PDE4D: variants seen among roughly 807,000 people sequenced by gnomAD.
PDE4D encodes the protein 3',5'-cyclic-AMP phosphodiesterase 4D.
A neutral mutation model predicts 87.4 loss-of-function variants in PDE4D; 24 were observed. That is an observed-to-expected ratio of 0.27 (90% confidence interval 0.20 to 0.39). The LOEUF (loss-of-function observed/expected upper bound fraction) is 0.39, where lower values mean the gene tolerates loss of function less well. Ranked by LOEUF, PDE4D falls within the 10% of genes least tolerant of loss-of-function variation. The probability of loss-of-function intolerance (pLI) is 1.00; values close to 1 mark genes in which losing one functional copy is unlikely to be tolerated. For missense variants in PDE4D, 714 were observed against 1,041.0 expected, an observed-to-expected ratio of 0.69 and a Z score of 4.32; for synonymous variants, 384 against 383.2, an observed-to-expected ratio of 1.00 and a Z score of -0.02.
intron 1 of PDE4D, among the ~76,000 whole-genome samples, chr5:60,350,058 G>T (rs1759051736): frequency 6.6e-6 from 1 of 152,118 alleles, no homozygotes; most frequent in South Asian, 2.1e-4. Context: ...TATAGGGAAG[G>T]ATTTCAAATA....
chr5:60,340,977 G>C (rs6861084), intron 1 of PDE4D, among the ~76,000 whole-genome samples: 33,173 of 152,018 alleles, frequency 0.22, 3,918 homozygotes, highest in South Asian at 0.39. Context: ...ATTCTCTAGA[G>C]AGCTGTTTTA....
At chr5:59,587,900 G>GTTGGAGGGAGGATT (rs1422540799) in intron 1 of PDE4D, among the ~76,000 whole-genome samples, 1 of 151,616 alleles carries the variant, frequency 6.6e-6, no homozygotes, top group Non-Finnish European at 1.5e-5. Context: ...AGGATTTTTT[G>GTTGGAGGGAGGATT]TTTGCTCGTT....
chr5:59,726,141 T>C (rs1279088190), intron 1 of PDE4D, among the ~76,000 whole-genome samples: 5 of 152,132 alleles, frequency 3.3e-5, no homozygotes, highest in Non-Finnish European at 2.9e-5. Flanking sequence ...TGCTAACAAA[T>C]ATTAAATGCT....
chr5:59,881,028 A>G (rs1749356185), intron 1 of PDE4D, among the ~76,000 whole-genome samples: 1 of 152,210 alleles, frequency 6.6e-6, no homozygotes. Flanking sequence ...CATTTATGAA[A>G]TTATAAGTGC....
intron 3 of PDE4D, among the ~76,000 whole-genome samples, chr5:59,915,423 A>T (rs76559843): frequency 0.079 from 12,047 of 152,248 alleles, 1,002 homozygotes; most frequent in African/African-American, 0.21. Flanking sequence ...AATAACTGAC[A>T]TTAGTTATTT....
At chr5:59,389,955 A>G (rs1045707832) in intron 1 of PDE4D, among the ~76,000 whole-genome samples, 1 of 152,158 alleles carries the variant, frequency 6.6e-6, no homozygotes. Context: ...ACTATAGCTA[A>G]CAATAATTTA....
At chr5:59,598,708 C>T (rs1023631098) in intron 1 of PDE4D, among the ~76,000 whole-genome samples, 1 of 152,002 alleles carries the variant, frequency 6.6e-6, no homozygotes, top group African/African-American at 2.4e-5. Flanking sequence ...ACTCCCAGTC[C>T]AAGGGAGTCT....
At chr5:59,141,281 C>G (rs1222539001) in intron 5 of PDE4D, among the ~76,000 whole-genome samples, 1 of 152,198 alleles carries the variant, frequency 6.6e-6, no homozygotes, top group Non-Finnish European at 1.5e-5. Flanking sequence ...AACCTACTTG[C>G]CCAAATTAGT....
At chr5:59,762,632 A>G (rs1185313824) in intron 1 of PDE4D, among the ~76,000 whole-genome samples, 1 of 135,644 alleles carries the variant, frequency 7.4e-6, no homozygotes, top group Non-Finnish European at 1.7e-5. Context: ...ATATGTGTAT[A>G]TGGGTACACA....
intron 1 of PDE4D, among the ~76,000 whole-genome samples, chr5:59,847,298 A>C (rs1442666035): frequency 6.6e-6 from 1 of 152,018 alleles, no homozygotes; most frequent in Non-Finnish European, 1.5e-5. Context: ...TCACCCATGA[A>C]CCTGCGGAGT....
intron 2 of PDE4D, among the ~76,000 whole-genome samples, chr5:60,035,485 C>G (rs1167206815): frequency 6.6e-6 from 1 of 152,114 alleles, no homozygotes; most frequent in Non-Finnish European, 1.5e-5. Flanking sequence ...CTCTGAGAAC[C>G]AAGAGCCAAA....
intron 2 of PDE4D, among the ~76,000 whole-genome samples, chr5:60,102,714 T>C (rs1776358769): frequency 6.6e-6 from 1 of 152,132 alleles, no homozygotes; most frequent in Non-Finnish European, 1.5e-5. Flanking sequence ...AAAGACTTTC[T>C]TCATCTCTAA....
intron 1 of PDE4D, among the ~76,000 whole-genome samples, chr5:59,333,692 A>G (rs2153578078): frequency 6.6e-6 from 1 of 152,262 alleles, no homozygotes; most frequent in Middle Eastern, 3.4e-3. Flanking sequence ...TTCATTTTTT[A>G]TGGAGAGATT....
intron 3 of PDE4D, among the ~76,000 whole-genome samples, chr5:59,944,370 C>T (rs1190689377): frequency 6.7e-5 from 10 of 149,046 alleles, no homozygotes; most frequent in African/African-American, 2.5e-4. Context: ...TGTTTTTGTT[C>T]GTTTGTTTGT....
intron 1 of PDE4D, among the ~76,000 whole-genome samples, chr5:60,378,919 A>T (rs1050737265): frequency 2.6e-5 from 4 of 152,184 alleles, no homozygotes; most frequent in Admixed American, 2.6e-4. Context: ...GAAAGAAAGC[A>T]GTATGTTGCT....
chr5:60,163,300 T>C (rs182279816), intron 2 of PDE4D, among the ~76,000 whole-genome samples: 22 of 152,266 alleles, frequency 1.4e-4, no homozygotes, highest in Admixed American at 1.3e-3. Context: ...TACTCTATAT[T>C]TTCATCTCTT....
intron 3 of PDE4D, among the ~76,000 whole-genome samples, chr5:59,188,273 C>T (rs1743374611): frequency 6.6e-6 from 1 of 151,970 alleles, no homozygotes; most frequent in Non-Finnish European, 1.5e-5. Context: ...TCTCTTCTGC[C>T]CCACCAAGCA....
intron 1 of PDE4D, among the ~76,000 whole-genome samples, chr5:60,424,902 G>C (rs878997851): frequency 6.6e-6 from 1 of 152,096 alleles, no homozygotes; most frequent in South Asian, 2.1e-4. Context: ...GACAAATAGA[G>C]AGCCAAATCA....
intron 1 of PDE4D, among the ~76,000 whole-genome samples, chr5:59,229,284 G>A (rs1000873610): frequency 2.6e-5 from 4 of 151,960 alleles, no homozygotes; most frequent in Admixed American, 6.6e-5. Context: ...TTTCTATACC[G>A]GTTATCATTT....
Sources: gnomAD v4.1 joint callset for allele counts (sites outside exome capture counted in the v4.1 genomes callset) on GRCh38, gnomAD v4.1.1 for gene constraint, MANE v1.5 for transcripts, NCBI Gene and HGNC (gene_info 2026-07-23, HGNC 2026-07-21) for gene names.